The following TRPM3 variants were observed in gnomAD, a reference collection of about 807,000 sequenced individuals.
TRPM3 encodes long transient receptor potential channel 3.
TRPM3 carries 77 observed loss-of-function variants against 181.2 expected under a neutral mutation model. That is an observed-to-expected ratio of 0.42 (90% CI 0.35 to 0.51). TRPM3 has a LOEUF of 0.51. Ranked by LOEUF, TRPM3 falls within the 20% of genes least tolerant of loss-of-function variation. The pLI is 0.01. For synonymous variants in TRPM3, 745 were observed against 796.4 expected, an observed-to-expected ratio of 0.94 and a Z score of 1.09; for missense variants, 1,759 against 2,196.7, an observed-to-expected ratio of 0.80 and a Z score of 3.98.
At chr9:71,302,802 GAAGA>G (rs1565441514) in intron 1 of TRPM3, among the ~76,000 whole-genome samples, 1 of 151,758 alleles carries the variant, frequency 6.6e-6, no homozygotes, top group Non-Finnish European at 1.5e-5. Context: ...AGGAAGGAAG[GAAGA>G]AAGAAGGAAG....
intron 1 of TRPM3, among the ~76,000 whole-genome samples, chr9:71,037,470 G>T (rs1166630922): frequency 6.6e-6 from 1 of 152,258 alleles, no homozygotes; most frequent in Non-Finnish European, 1.5e-5. Context: ...GTAAATATGT[G>T]ATATGTGTGC....
intron 1 of TRPM3, among the ~76,000 whole-genome samples, chr9:70,949,488 T>C (rs982994836): frequency 6.6e-6 from 1 of 151,680 alleles, no homozygotes; most frequent in African/African-American, 2.4e-5. Flanking sequence ...CCGAAGAGAC[T>C]GGCAAGGGCA....
chr9:71,433,610 T>C (rs1299628799), intron 1 of TRPM3, among the ~76,000 whole-genome samples: 6 of 152,232 alleles, frequency 3.9e-5, no homozygotes, highest in Admixed American at 3.9e-4. Context: ...ACATGGTTGT[T>C]AATTTTTCTC....
intron 1 of TRPM3, among the ~76,000 whole-genome samples, chr9:71,382,698 T>TG (rs2092830930): frequency 6.6e-6 from 1 of 151,746 alleles, no homozygotes; most frequent in South Asian, 2.1e-4. Context: ...CTTTTTTTTT[T>TG]TTGCACTTTA....
chr9:71,095,111 G>T (rs970571910), intron 1 of TRPM3, among the ~76,000 whole-genome samples: 3 of 152,106 alleles, frequency 2.0e-5, no homozygotes, highest in Non-Finnish European at 4.4e-5. Flanking sequence ...AAATGCCTTC[G>T]TTTTTAACTG....
chr9:70,679,273 T>C (rs934726971), intron 9 of TRPM3, among the ~76,000 whole-genome samples: 3 of 152,220 alleles, frequency 2.0e-5, no homozygotes, highest in Non-Finnish European at 4.4e-5. Flanking sequence ...CAAATACATA[T>C]GTGTAACTAT....
At chr9:70,740,219 C>G (rs569237763) in intron 8 of TRPM3, among the ~76,000 whole-genome samples, 4 of 152,134 alleles carry the variant, frequency 2.6e-5, no homozygotes, top group Non-Finnish European at 5.9e-5. Flanking sequence ...ACCCTTTTCA[C>G]AATGGCTGTC....
At chr9:71,232,150 G>A (rs980965194) in intron 1 of TRPM3, among the ~76,000 whole-genome samples, 1 of 152,016 alleles carries the variant, frequency 6.6e-6, no homozygotes. Context: ...TATCAAATGG[G>A]CAGGTTCTAA....
intron 6 of TRPM3, chr9:70,825,180 A>G (rs556000791): frequency 1.3e-5 from 2 of 152,248 alleles, no homozygotes; most frequent in African/African-American, 4.8e-5. Context: ...TCCCAGGCAA[A>G]CTGAGACAAG....
At chr9:71,176,057 C>T (rs1237727208) in intron 1 of TRPM3, among the ~76,000 whole-genome samples, 1 of 152,132 alleles carries the variant, frequency 6.6e-6, no homozygotes, top group Non-Finnish European at 1.5e-5. Context: ...CCTATGATGA[C>T]ATACGGTACA....
intron 8 of TRPM3, among the ~76,000 whole-genome samples, chr9:70,700,441 G>C (rs2072126492): frequency 6.6e-6 from 1 of 152,124 alleles, no homozygotes; most frequent in African/African-American, 2.4e-5. Flanking sequence ...CGATGAATCA[G>C]ACAAAGTTCT....
chr9:71,237,748 G>T (rs1159676406), intron 1 of TRPM3, among the ~76,000 whole-genome samples: 5 of 152,284 alleles, frequency 3.3e-5, no homozygotes, highest in East Asian at 3.9e-4. Flanking sequence ...ATGAAGAATA[G>T]AAATTTATTT....
intron 22 of TRPM3, among the ~76,000 whole-genome samples, chr9:70,588,567 G>A (rs1278042969): frequency 1.3e-5 from 2 of 152,168 alleles, no homozygotes; most frequent in African/African-American, 2.4e-5. Context: ...AGGCCCGCAC[G>A]GGGTACACCC....
intron 1 of TRPM3, among the ~76,000 whole-genome samples, chr9:71,445,085 T>C (rs2094185537): frequency 1.3e-5 from 2 of 152,220 alleles, no homozygotes; most frequent in Admixed American, 1.3e-4. Context: ...CTTAGGCTCT[T>C]TTCCCACATT....
chr9:70,929,383 G>A (rs750862255), intron 1 of TRPM3, among the ~76,000 whole-genome samples: 2 of 151,980 alleles, frequency 1.3e-5, no homozygotes, highest in Non-Finnish European at 2.9e-5. Flanking sequence ...TATACTTTTA[G>A]TAGAGACGGA....
chr9:70,622,547 G>T (rs2063781850), intron 14 of TRPM3, among the ~76,000 whole-genome samples: 1 of 152,260 alleles, frequency 6.6e-6, no homozygotes, highest in South Asian at 2.1e-4. Flanking sequence ...TAATAGCATG[G>T]AAAGTGTCAG....
intron 1 of TRPM3, among the ~76,000 whole-genome samples, chr9:71,045,160 G>A (rs1011768210): frequency 1.3e-5 from 2 of 151,268 alleles, no homozygotes; most frequent in Admixed American, 6.6e-5. Flanking sequence ...GCAGTGGTGC[G>A]ATCTCAGCTT....
At chr9:70,662,727 A>C (rs2061307501) in intron 9 of TRPM3, among the ~76,000 whole-genome samples, 1 of 150,230 alleles carries the variant, frequency 6.7e-6, no homozygotes, top group Non-Finnish European at 1.5e-5. Flanking sequence ...CCATAATTAA[A>C]ATGTCAAAGA....
At chr9:71,392,121 A>G (rs2093076138) in intron 1 of TRPM3, among the ~76,000 whole-genome samples, 1 of 152,252 alleles carries the variant, frequency 6.6e-6, no homozygotes, top group African/African-American at 2.4e-5. Context: ...AAAATATGAC[A>G]ATGAAAATTA....
Sources: gnomAD v4.1 joint callset for allele counts (sites outside exome capture counted in the v4.1 genomes callset) on GRCh38, gnomAD v4.1.1 for gene constraint, MANE v1.5 for transcripts, NCBI Gene and HGNC (gene_info 2026-07-23, HGNC 2026-07-21) for gene names.